The following FAM228B variants were observed in gnomAD, a reference collection of about 807,000 sequenced individuals.
FAM228B encodes family with sequence similarity 228 member B.
In FAM228B, 38 loss-of-function variants were observed where a neutral mutation model predicts 42.6. The observed-to-expected ratio is 0.89, with a 90% confidence interval of 0.69 to 1.17. FAM228B has a LOEUF of 1.17. Among genes scored for constraint, FAM228B ranks in the 50% most tolerant of loss-of-function variants. The probability of loss-of-function intolerance (pLI) is 0.00; values close to 1 mark genes in which losing one functional copy is unlikely to be tolerated. For synonymous variants in FAM228B, 109 were observed against 122.3 expected, an observed-to-expected ratio of 0.89 and a Z score of 0.72; for missense variants, 344 against 367.3, an observed-to-expected ratio of 0.94 and a Z score of 0.52.
chr2:24,137,484 T>C (rs759815993), intron 3 of FAM228B, among the ~76,000 whole-genome samples: 2 of 152,136 alleles, frequency 1.3e-5, no homozygotes, highest in Non-Finnish European at 2.9e-5. Flanking sequence ...CCTCCCACTG[T>C]TTGTGATTTT....
chr2:24,145,923 T>C (rs1440003480), intron 5 of FAM228B, among the ~76,000 whole-genome samples: 1 of 152,068 alleles, frequency 6.6e-6, no homozygotes, highest in Non-Finnish European at 1.5e-5. Context: ...TCTCCTGACC[T>C]TGTCATCCGC....
At chr2:24,121,734 G>A (rs751543300), upstream of FAM228B, among the ~76,000 whole-genome samples, 2 of 152,094 alleles carry the variant, frequency 1.3e-5, no homozygotes, top group African/African-American at 2.4e-5. Context: ...AGTTTTCACT[G>A]TATTTGTTCC....
In FAM228B at chr2:24,158,215, C is replaced by CTTTTTTTTTTTTTTTTA. The variant is rs1335914110; in HGVS notation, c.687-3291_687-3290insTTTTTTTTTTTTTTTTA. On this transcript the variant is annotated intron_variant, in intron 7 of 10. Coordinates refer to ENST00000615575, the MANE Select transcript of FAM228B (RefSeq NM_001145710.2). ...AACCTCCTTTTTTTTTTTTTTTTTC[C>CTTTTTTTTTTTTTTTTA]AAAACATTGTTCCCAAGACTCTATT... is the stretch of plus-strand genomic sequence containing the variant. 2.9e-3 allele frequency among the ~76,000 whole-genome samples: 27 copies of CTTTTTTTTTTTTTTTTA among 9,172 alleles called. 5 individuals are homozygous for CTTTTTTTTTTTTTTTTA. The highest frequency in any genetic ancestry group is 4.4e-3 in the Admixed American group (3 of 676). The allele number at this position is 9,172 out of a possible 152,430, so 6.0% of individuals were successfully genotyped here.
At chr2:24,155,531 A>ATATATATATTT (rs1558393367) in intron 7 of FAM228B, among the ~76,000 whole-genome samples, 6 of 13,044 alleles carry the variant, frequency 4.6e-4, no homozygotes, top group Non-Finnish European at 6.5e-4. Flanking sequence ...ATATATATAT[A>ATATATATATTT]TTTTTTTTTT....
chr2:24,088,105 T>G (rs1665303535), intron 2 of FAM228B, among the ~76,000 whole-genome samples: 3 of 152,080 alleles, frequency 2.0e-5, no homozygotes, highest in Admixed American at 1.3e-4. Context: ...CTTGAACTCC[T>G]TACCTCAGGT....
At chr2:24,083,064 C>A (rs1665084976) in intron 2 of FAM228B, 1 of 1,614,194 alleles carries the variant, frequency 6.2e-7, no homozygotes, top group Non-Finnish European at 8.5e-7. Context: ...GTGTCCCTGG[C>A]AGCCAGGCCC....
chr2:24,146,732 A>G lies in FAM228B; in HGVS notation c.442-16A>G. 6.5e-7 allele frequency: 1 copy of G among 1,530,966 alleles called. No homozygotes were observed. Among genetic ancestry groups the G allele is most frequent in the Non-Finnish European group, 8.8e-7 (1 of 1,131,402 alleles). The allele number at this position is 1,530,966 out of a possible 1,614,324, so 94.8% of individuals were successfully genotyped here. A position where few individuals can be genotyped will look rare whatever the true frequency, so the allele number is the denominator to read the frequency against. ...AGACTTGCAACTCAGTGCTTAAACAAGTGCCTCTCTTGTAGGTTACCATCC... is the reference window on the plus strand; with the variant it reads ...AGACTTGCAACTCAGTGCTTAAACAGGTGCCTCTCTTGTAGGTTACCATCC... On this transcript the variant is annotated splice_polypyrimidine_tract_variant and intron_variant, in intron 5 of 10. Transcript: ENST00000615575.
chr2:24,121,268 A>G, upstream of FAM228B: 1 of 1,614,214 alleles, frequency 6.2e-7, no homozygotes, highest in Non-Finnish European at 8.5e-7. Context: ...TGGCAAATCC[A>G]TTCACCAGTG....
At chr2:24,126,643 C>T (rs1444316339) in intron 2 of FAM228B, among the ~76,000 whole-genome samples, 2 of 148,966 alleles carry the variant, frequency 1.3e-5, no homozygotes, top group Non-Finnish European at 3.0e-5. Flanking sequence ...CAGAGTCTTG[C>T]TCTGTCGCCC....
chr2:24,141,559 T>C (rs1425849338), intron 5 of FAM228B, among the ~76,000 whole-genome samples: 4 of 151,330 alleles, frequency 2.6e-5, no homozygotes, highest in Admixed American at 6.6e-5. Context: ...TTTGTATTTT[T>C]AGTAGAGACG....
chr2:24,103,837 A>G (rs138147896), intron 3 of FAM228B, among the ~76,000 whole-genome samples: 2 of 152,320 alleles, frequency 1.3e-5, no homozygotes, highest in African/African-American at 4.8e-5. Context: ...CAGTGTGCTA[A>G]TTTGTAAGAA....
At chr2:24,089,436 A>T (rs1031681418) in intron 2 of FAM228B, among the ~76,000 whole-genome samples, 1 of 152,068 alleles carries the variant, frequency 6.6e-6, no homozygotes, top group Admixed American at 6.5e-5. Flanking sequence ...AAAAAGGAAG[A>T]TTTTTTTAGC....
intron 2 of FAM228B, among the ~76,000 whole-genome samples, chr2:24,093,667 G>A (rs544387615): frequency 9.9e-5 from 15 of 151,560 alleles, no homozygotes; most frequent in Non-Finnish European, 2.1e-4. Context: ...CCAGGCTGAA[G>A]TGCAGTGGCA....
At chr2:24,138,884 T>C (rs1293668161) in intron 4 of FAM228B, among the ~76,000 whole-genome samples, 1 of 149,928 alleles carries the variant, frequency 6.7e-6, no homozygotes, top group Non-Finnish European at 1.5e-5. Flanking sequence ...AGGTGCAGAT[T>C]GTAGTGAGCC....
upstream of FAM228B, among the ~76,000 whole-genome samples, chr2:24,120,276 AAAAC>A (rs958982124): frequency 1.5e-5 from 2 of 137,482 alleles, no homozygotes; most frequent in Non-Finnish European, 3.3e-5. Context: ...CTCAAAAAAA[AAAAC>A]AACAACAAAA....
chr2:24,084,052 G>A lies in FAM228B; in HGVS notation c.-210+3097G>A, dbSNP rs1573723525. ...AACAAAGAGGGCGCCCTGGGTTTAGGTCTGGGAAGCCCCAGCGCAGCTGCC... is the reference window on the plus strand; with the variant it reads ...AACAAAGAGGGCGCCCTGGGTTTAGATCTGGGAAGCCCCAGCGCAGCTGCC... On this transcript the variant is annotated intron_variant, in intron 2 of 10. Coordinates refer to the FAM228B transcript ENST00000613899. The surrounding 1 kb of genome is among the most constrained non-coding windows in gnomAD (Gnocchi z 8.4). 1 of 1,360,386 alleles carries A rather than the reference G, an allele frequency of 7.4e-7. No individual in the cohort carries two copies. The highest frequency in any genetic ancestry group is 9.7e-7 in the Non-Finnish European group (1 of 1,032,424). The allele number at this position is 1,360,386 out of a possible 1,614,324, so 84.3% of individuals were successfully genotyped here.
chr2:24,122,340 A>AAT, upstream of FAM228B: 1 of 1,080,198 alleles, frequency 9.3e-7, no homozygotes, highest in Non-Finnish European at 1.4e-6. Context: ...AAAAAAAAAA[A>AAT]GTCATGTCTG....
At chr2:24,124,551 T>G in intron 2 of FAM228B, 91 bp downstream of exon 2, 1 of 708,734 alleles carries the variant, frequency 1.4e-6, no homozygotes, top group African/African-American at 1.8e-5. Context: ...GTTTTTTCTA[T>G]TGTTTGTTTT....
intron 2 of FAM228B, among the ~76,000 whole-genome samples, chr2:24,081,807 T>C (rs1665016529): frequency 6.6e-6 from 1 of 151,174 alleles, no homozygotes; most frequent in African/African-American, 2.4e-5. Context: ...GCCATTCTCT[T>C]GCCTCAGCTT....
Sources: gnomAD v4.1 joint callset for allele counts (sites outside exome capture counted in the v4.1 genomes callset) on GRCh38, gnomAD v4.1.1 for gene constraint, Gnocchi (gnomAD v3.1) non-coding constraint, MANE v1.5 for transcripts, NCBI Gene and HGNC (gene_info 2026-07-23, HGNC 2026-07-21) for gene names.